The following PSMD9 variants were observed in gnomAD, a reference collection of about 807,000 sequenced individuals.
The protein encoded by PSMD9 is proteasome 26S subunit, non-ATPase 9, also known as 26S proteasome non-ATPase regulatory subunit 9.
PSMD9 carries 26 observed loss-of-function variants against 25.9 expected under a neutral mutation model. The observed-to-expected ratio is 1.00, with a 90% CI of 0.73 to 1.39. The LOEUF is 1.39. Ranked by LOEUF, PSMD9 falls within the 40% of genes most tolerant of loss-of-function variation. PSMD9 has a pLI of 0.00. For missense variants in PSMD9, 303 were observed against 299.3 expected (o/e 1.01, Z -0.09); for synonymous variants, 110 against 114.5 (o/e 0.96, Z 0.25).
In PSMD9 at chr12:121,903,087, G is replaced by A; in HGVS notation, c.535G>A (p.Val179Met). 1 of 1,614,064 alleles carries A rather than the reference G, an allele frequency of 6.2e-7. No homozygotes were observed. Among genetic ancestry groups the A allele is most frequent in the South Asian group, 1.1e-5 (1 of 91,074 alleles). ...CCAGTCACTGCATAACATTGGCAGT[G>A]TGGTGCAGCACAGTGAGGGGGTGAG... The part of the protein sequence containing the change: ...NFQSLHNIGS[V>M]VQHSEGKPLN... Residue 179 changes from valine (V) to methionine (M), a missense_variant, in exon 4 of 6, where the codon GTG becomes ATG. Coordinates refer to ENST00000541212, the MANE Select transcript of PSMD9 (RefSeq NM_002813.7).
chr12:121,889,137 C>G, intron 1 of PSMD9, 143 bp downstream of exon 1: 1 of 1,056,900 alleles, frequency 9.5e-7, no homozygotes, highest in Non-Finnish European at 1.4e-6. Flanking sequence ...CGGCCTCTGT[C>G]GGCACAAGAA....
In PSMD9 at chr12:121,913,493, C is replaced by CT. The variant is rs771986462; in HGVS notation, c.556-2347dup. On this transcript the variant is annotated intron_variant, in intron 4 of 5. Transcript: ENST00000541212. Reference sequence around the variant, plus strand: ...ATGATTTGCATGTATTTTCTTTTTTCTTTTTTTTTTTTTTTTAAGACAGAA... The same window carrying CT: ...ATGATTTGCATGTATTTTCTTTTTTCTTTTTTTTTTTTTTTTTAAGACAGAA... Among the ~76,000 whole-genome samples, 536 of 134,796 alleles carry CT rather than the reference C, an allele frequency of 4.0e-3. 2 individuals carry two copies. The highest frequency in any genetic ancestry group is 5.5e-3 in the Non-Finnish European group (343 of 61,856). 88.4% of individuals were successfully genotyped at this position (134,796 alleles called of 152,430 possible). A position where few individuals can be genotyped will look rare whatever the true frequency, so the allele number is the denominator to read the frequency against.
intron 3 of PSMD9, 126 bp downstream of exon 3, chr12:121,899,971 A>G (rs770376293): frequency 9.1e-7 from 1 of 1,093,808 alleles, no homozygotes; most frequent in Non-Finnish European, 1.3e-6. Flanking sequence ...TACTCATTTA[A>G]CAAACACTGA....
At chr12:121,894,269 C>T (rs768793076) in intron 1 of PSMD9, 10 of 161,332 alleles carry the variant, frequency 6.2e-5, no homozygotes, top group African/African-American at 9.6e-5. Flanking sequence ...TTCTTCTCCC[C>T]GGAGGCAGCT....
chr12:121,913,667 A>C (rs1213187357), intron 4 of PSMD9, among the ~76,000 whole-genome samples: 2 of 151,154 alleles, frequency 1.3e-5, no homozygotes, highest in Admixed American at 1.3e-4. Context: ...AATTAAAAAA[A>C]ATATATGTTT....
At chr12:121,902,885 G>T (rs987253114) in intron 3 of PSMD9, 121 bp from the exon 4 acceptor site, 1 of 771,050 alleles carries the variant, frequency 1.3e-6, no homozygotes, top group African/African-American at 1.7e-5. Flanking sequence ...TCTTTGTTCT[G>T]AGCCTACCCT....
chr12:121,899,630 C>A lies in PSMD9; in HGVS notation c.242-4C>A. On this transcript the variant is annotated splice_region_variant and splice_polypyrimidine_tract_variant and intron_variant, in intron 2 of 5. Coordinates refer to ENST00000541212, the MANE Select transcript of PSMD9 (RefSeq NM_002813.7). ...TGGCCCCTGATGTGTGGTTCTCATCCCAGGCCTGCAGAATGATCACAAGGC... is the reference window on the plus strand; with the variant it reads ...TGGCCCCTGATGTGTGGTTCTCATCACAGGCCTGCAGAATGATCACAAGGC... The A allele has an allele frequency of 6.3e-7, 1 of 1,596,422 alleles. No individual in the cohort carries two copies.
chr12:121,911,503 G>A (rs893557902), intron 4 of PSMD9, among the ~76,000 whole-genome samples: 4 of 152,174 alleles, frequency 2.6e-5, no homozygotes, highest in South Asian at 2.1e-4. Flanking sequence ...CCACCTTTTT[G>A]TTGTGAACAA....
chr12:121,888,792 GGTCGACTGGGGC>G lies in PSMD9; in HGVS notation c.-60_-49del. On this transcript the variant is annotated 5_prime_UTR_variant, in exon 1 of 6. Coordinates refer to ENST00000541212, the MANE Select transcript of PSMD9 (RefSeq NM_002813.7). The stretch of plus-strand genomic sequence containing the variant: ...GGCGCATGGGCGGAGCCGTAGTTAC[GGTCGACTGGGGC>G]GTCGTCCCTAGCCCGGGAGCCGGGT... 11 of 1,545,970 alleles carry G rather than the reference GGTCGACTGGGGC, an allele frequency of 7.1e-6. No individual in the cohort carries two copies. The South Asian group carries it at 1.2e-4, about 17-fold the overall frequency.
chr12:121,905,585 T>C (rs1879531882), intron 4 of PSMD9, among the ~76,000 whole-genome samples: 1 of 151,022 alleles, frequency 6.6e-6, no homozygotes, highest in South Asian at 2.1e-4. Context: ...TGGAGTGCAG[T>C]GGCACGATCT....
At chr12:121,911,760 C>T (rs1184571388) in intron 4 of PSMD9, among the ~76,000 whole-genome samples, 1 of 149,438 alleles carries the variant, frequency 6.7e-6, no homozygotes, top group Non-Finnish European at 1.5e-5. Flanking sequence ...GTTAGTGATT[C>T]TCCTGTCTTA....
At chr12:121,902,058 G>T (rs754959369) in intron 3 of PSMD9, 2 of 152,186 alleles carry the variant, frequency 1.3e-5, no homozygotes, top group Non-Finnish European at 2.9e-5. Flanking sequence ...GTCAGTTAAT[G>T]GACATTTGAA....
intron 3 of PSMD9, chr12:121,901,985 A>G (rs1339095336): frequency 3.9e-5 from 6 of 152,126 alleles, no homozygotes; most frequent in Admixed American, 2.0e-4. Context: ...CTGGCCCTTC[A>G]TTCCTTTTTA....
intron 4 of PSMD9, among the ~76,000 whole-genome samples, chr12:121,911,659 C>T (rs565082452): frequency 0.027 from 3,885 of 141,720 alleles, 73 homozygotes; most frequent in Non-Finnish European, 0.044. Flanking sequence ...AATATATGAA[C>T]TTTTTTTTTT....
Position 121,916,387 on chromosome 12 carries a change from T to TCTCTCCCTGAAGCATAAGGA in PSMD9, c.*77_*96dup. On this transcript the variant is annotated 3_prime_UTR_variant, in exon 6 of 6. Coordinates refer to ENST00000541212, the MANE Select transcript of PSMD9 (RefSeq NM_002813.7). ...GGGTCTAGGGATTTCCAACTTGTCTTCTCTCCCTGAAGCATAAGGATCTGG... is the reference window on the plus strand; with the variant it reads ...GGGTCTAGGGATTTCCAACTTGTCTTCTCTCCCTGAAGCATAAGGACTCTCCCTGAAGCATAAGGATCTGG... The TCTCTCCCTGAAGCATAAGGA allele has an allele frequency of 6.5e-7, 1 of 1,543,132 alleles. No individual in the cohort carries two copies. Among genetic ancestry groups the TCTCTCCCTGAAGCATAAGGA allele is most frequent in the East Asian group, 2.2e-5 (1 of 44,546 alleles).
intron 2 of PSMD9, chr12:121,898,259 A>G (rs1879290191): frequency 1.3e-5 from 2 of 152,256 alleles, no homozygotes. Flanking sequence ...TGACAGGCAC[A>G]AGGTATCAAA....
At position 121,916,351 on chromosome 12, in the gene PSMD9, G is replaced by C. The variant is rs922006315; in HGVS notation, c.*40G>C. On this transcript the variant is annotated 3_prime_UTR_variant, in exon 6 of 6. Transcript: ENST00000541212. Reference sequence around the variant, plus strand: ...CAGTAACAGGAAAGCATCTTCCCTTGCCCTGGACTTGGGTCTAGGGATTTC... The same window carrying C: ...CAGTAACAGGAAAGCATCTTCCCTTCCCCTGGACTTGGGTCTAGGGATTTC... 9 of 1,607,986 alleles carry C rather than the reference G, an allele frequency of 5.6e-6. No homozygotes were observed. The highest frequency in any genetic ancestry group is 7.7e-6 in the Non-Finnish European group (9 of 1,174,406).
chr12:121,907,377 G>C (rs1253726752), intron 4 of PSMD9, among the ~76,000 whole-genome samples: 1 of 141,222 alleles, frequency 7.1e-6, no homozygotes, highest in Non-Finnish European at 1.6e-5. Flanking sequence ...GCCTTTCTTT[G>C]TTTTTTTTTT....
At chr12:121,894,598 G>A in intron 1 of PSMD9, 141 bp from the exon 2 acceptor site, 1 of 695,920 alleles carries the variant, frequency 1.4e-6, no homozygotes, top group African/African-American at 1.8e-5. Context: ...CATGAGTAGA[G>A]CCCCTGGTGT....
Sources: gnomAD v4.1 joint callset for allele counts (sites outside exome capture counted in the v4.1 genomes callset) on GRCh38, gnomAD v4.1.1 for gene constraint, MANE v1.5 for transcripts, NCBI Gene and HGNC (gene_info 2026-07-23, HGNC 2026-07-21) for gene names.